TAF1: variants seen among roughly 807,000 people sequenced by gnomAD.
TAF1 encodes the protein transcription initiation factor TFIID subunit 1.
In TAF1, 2 loss-of-function variants were observed where a neutral mutation model predicts 138.5. The ratio of observed to expected loss-of-function variants is 0.01; its 90% CI spans 0.01 to 0.05. The LOEUF is 0.05. Ranked by LOEUF, TAF1 falls within the 10% of genes least tolerant of loss-of-function variation. The pLI, the probability that TAF1 is intolerant of heterozygous loss-of-function variation, is 1.00. For missense variants in TAF1, 709 were observed against 1,478.0 expected (o/e 0.48, Z 8.53); for synonymous variants, 437 against 503.2 (o/e 0.87, Z 1.76).
At chrX:71,501,012 G>A (rs901361058) in intron 13 of TAF1, among the ~76,000 whole-genome samples, 21 of 105,416 alleles carry the variant, frequency 2.0e-4, no homozygotes, top group South Asian at 4.4e-4. Flanking sequence ...GCAGTGAGCC[G>A]AGATCGAGCC....
intron 32 of TAF1, among the ~76,000 whole-genome samples, chrX:71,452,545 C>T (rs896383224): frequency 6.4e-5 from 7 of 109,148 alleles, no homozygotes; most frequent in Non-Finnish European, 1.1e-4. Context: ...GGTGGGATGG[C>T]GGCCGGGTAG....
intron 13 of TAF1, among the ~76,000 whole-genome samples, chrX:71,473,211 A>C (rs1228192645): frequency 9.0e-6 from 1 of 111,608 alleles, no homozygotes; most frequent in Non-Finnish European, 1.9e-5. Context: ...GAAGGGGGAA[A>C]TTTGGGAGGA....
intron 13 of TAF1, among the ~76,000 whole-genome samples, chrX:71,514,332 C>T (rs753640944): frequency 4.6e-5 from 5 of 108,348 alleles, no homozygotes; most frequent in African/African-American, 1.7e-4. Flanking sequence ...GAAAAGCAAA[C>T]AAACAAACAA....
At chrX:71,515,196 G>T (rs1466196374) in intron 13 of TAF1, among the ~76,000 whole-genome samples, 1 of 111,755 alleles carries the variant, frequency 8.9e-6, no homozygotes, top group African/African-American at 3.2e-5. Context: ...ACTGGCAGTG[G>T]AGTTGGAGGA....
At position 71,464,097 on chromosome X, in the gene TAF1, G is replaced by T; in HGVS notation, c.*51G>T. On this transcript the variant is annotated 3_prime_UTR_variant, in exon 38 of 38. Coordinates refer to ENST00000423759, the MANE Select transcript of TAF1 (RefSeq NM_004606.5). ...GCCTTCCCTGTTCTCCAGCCTAGGT[G>T]GTTCACCTTTCCCCAATTTGTTCAT... The T allele has an allele frequency of 9.2e-7, 1 of 1,085,899 alleles. No individual in the cohort carries two copies. The highest frequency in any genetic ancestry group is 2.0e-5 in the South Asian group (1 of 48,932). The allele number at this position is 1,085,899 out of a possible 1,213,427, so 89.5% of individuals were successfully genotyped here.
At position 71,504,741 on chromosome X, in the gene TAF1, C is replaced by CAAAAAAAAAAAAAAAA. The variant is rs41370846; in HGVS notation, c.1367-23784_1367-23769dup. On this transcript the variant is annotated intron_variant and NMD_transcript_variant, in intron 13 of 14. Transcript: ENST00000373775. ...TGGGTGACAGAATGAGACCCTGTCT[C>CAAAAAAAAAAAAAAAA]AAAAAAAAAAAAAAAAAAAAAAAAA... 1.1e-3 allele frequency among the ~76,000 whole-genome samples: 6 copies of CAAAAAAAAAAAAAAAA among 5,702 alleles called. 1 individual carries two copies. Among genetic ancestry groups the CAAAAAAAAAAAAAAAA allele is most frequent in the African/African-American group, 2.1e-3 (4 of 1,879 alleles). The allele number at this position is 5,702 out of a possible 115,157, so 5.0% of individuals were successfully genotyped here. A position where few individuals can be genotyped will look rare whatever the true frequency, so the allele number is the denominator to read the frequency against.
chrX:71,445,073 G>T (rs2037623744), intron 32 of TAF1, among the ~76,000 whole-genome samples: 1 of 109,872 alleles, frequency 9.1e-6, no homozygotes, highest in African/African-American at 3.3e-5. Context: ...AGACGGGTGG[G>T]TTGCTTCAGG....
In TAF1 at chrX:71,393,339, G is replaced by A. The variant is rs745568855; in HGVS notation, c.3090G>A (p.Val1030=). Residue 1030 remains valine (V), a synonymous_variant, in exon 21 of 38, where the codon GTG becomes GTA. Coordinates refer to ENST00000423759, the MANE Select transcript of TAF1 (RefSeq NM_004606.5). ...CCCGCTGGGAAGTGATTGATGTGGTGCGCACAATGTCAACAGAACAGGCTC... is the reference window on the plus strand; with the variant it reads ...CCCGCTGGGAAGTGATTGATGTGGTACGCACAATGTCAACAGAACAGGCTC... The part of the protein sequence containing the change: ...KLSRWEVIDV[V]RTMSTEQARS... The A allele has an allele frequency of 5.2e-5, 63 of 1,205,082 alleles. No homozygotes were observed. The highest frequency in any genetic ancestry group is 6.3e-5 in the Non-Finnish European group (56 of 894,134).
chrX:71,387,005 A>G (rs959571582), intron 14 of TAF1: 4 of 353,557 alleles, frequency 1.1e-5, no homozygotes, highest in African/African-American at 7.7e-5. Flanking sequence ...ATGTTAAATC[A>G]TAGAGGTAAT....
intron 24 of TAF1, among the ~76,000 whole-genome samples, chrX:71,400,766 A>G (rs2035136221): frequency 8.9e-6 from 1 of 112,717 alleles, no homozygotes; most frequent in Admixed American, 9.5e-5. Context: ...AAACTATAAA[A>G]TATTCAACAA....
Position 71,382,526 on chromosome X carries a change from T to G in TAF1, c.1538-10T>G, listed in dbSNP as rs1327602042. On this transcript the variant is annotated splice_polypyrimidine_tract_variant and intron_variant, in intron 9 of 37. Transcript: ENST00000423759. ...GAGAGCAACTCAAGTGATTTTTGTT[T>G]TATTCTCAGAAATTCCTGATGAGAA... 5.8e-6 allele frequency: 7 copies of G among 1,202,648 alleles called. No individual in the cohort carries two copies. The South Asian group carries it at 1.1e-4, about 19-fold the overall frequency.
intron 32 of TAF1, among the ~76,000 whole-genome samples, chrX:71,439,349 A>G (rs2037299377): frequency 1.8e-5 from 2 of 111,446 alleles, no homozygotes; most frequent in African/African-American, 6.5e-5. Flanking sequence ...GTATGTCACT[A>G]AAGTTCACAT....
chrX:71,520,697 A>T (rs1167869329), intron 13 of TAF1, among the ~76,000 whole-genome samples: 20 of 41,257 alleles, frequency 4.8e-4, no homozygotes, highest in African/African-American at 1.8e-3. Context: ...AACAAAAAAA[A>T]AAAAAGATTT....
intron 32 of TAF1, among the ~76,000 whole-genome samples, chrX:71,438,372 C>T (rs2037249647): frequency 8.9e-6 from 1 of 111,742 alleles, no homozygotes; most frequent in African/African-American, 3.3e-5. Flanking sequence ...ACATTATATA[C>T]AATATTCTTC....
intron 13 of TAF1, among the ~76,000 whole-genome samples, chrX:71,513,123 A>G (rs2039762944): frequency 8.9e-6 from 1 of 112,057 alleles, no homozygotes; most frequent in Non-Finnish European, 1.9e-5. Context: ...GCTGAGAAGG[A>G]AAGGAATTGG....
rs1415255937 is a variant in TAF1, at chrX:71,366,404, C to T, written c.30C>T (p.Ser10=). The T allele has an allele frequency of 5.0e-6, 6 of 1,209,208 alleles. No homozygotes were observed. Among genetic ancestry groups the T allele is most frequent in the Middle Eastern group, 2.4e-4 (1 of 4,227 alleles). The part of the protein sequence containing the change: MSDTDSDED[S]AGGGPFSLAG... ...CAGACACGGACAGCGACGAAGATTC[C>T]GCTGGAGGCGGCCCATTTTCTTTAG... Residue 10 remains serine (S), a synonymous_variant, in exon 1 of 38, where the codon TCC becomes TCT. Coordinates refer to ENST00000423759, the MANE Select transcript of TAF1 (RefSeq NM_004606.5).
At chrX:71,446,223 A>G (rs1337574120) in intron 32 of TAF1, among the ~76,000 whole-genome samples, 1 of 110,896 alleles carries the variant, frequency 9.0e-6, no homozygotes, top group Non-Finnish European at 1.9e-5. Flanking sequence ...GTTGTTCACT[A>G]TTTTATATTT....
At chrX:71,460,578 T>G in intron 36 of TAF1, 48 bp from the exon 37 acceptor site, 2 of 1,183,984 alleles carry the variant, frequency 1.7e-6, no homozygotes, top group Non-Finnish European at 2.3e-6. Context: ...TCAAGTTAAA[T>G]CTGTCAAGCT....
chrX:71,377,915 C>A, intron 6 of TAF1, 94 bp downstream of exon 6: 1 of 943,910 alleles, frequency 1.1e-6, no homozygotes, highest in Non-Finnish European at 1.4e-6. Flanking sequence ...GTAAATAATA[C>A]CATAGCAGAT....
Sources: gnomAD v4.1 joint callset for allele counts (sites outside exome capture counted in the v4.1 genomes callset) on GRCh38, gnomAD v4.1.1 for gene constraint, MANE v1.5 for transcripts, NCBI Gene and HGNC (gene_info 2026-07-23, HGNC 2026-07-21) for gene names.